TLR4: variants seen among roughly 807,000 people sequenced by gnomAD.
TLR4 encodes the protein toll like receptor 4.
TLR4 carries 17 observed loss-of-function variants against 27.4 expected under a neutral mutation model. That is an observed-to-expected ratio of 0.62 (90% CI 0.42 to 0.93). The LOEUF (loss-of-function observed/expected upper bound fraction) is 0.93. Ranked by LOEUF, TLR4 falls within the 40% of genes least tolerant of loss-of-function variation. The pLI, the probability that TLR4 is intolerant of heterozygous loss-of-function variation, is 0.00. For missense variants in TLR4, 926 were observed against 962.3 expected (o/e 0.96, Z 0.50); for synonymous variants, 363 against 365.7 (o/e 0.99, Z 0.08).
At chr9:117,706,646 C>T (rs1292865265) in intron 1 of TLR4, among the ~76,000 whole-genome samples, 3 of 152,180 alleles carry the variant, frequency 2.0e-5, no homozygotes, top group Non-Finnish European at 2.9e-5. Context: ...GTTGTCCTCT[C>T]CTTAGGACAT....
At position 117,713,797 on chromosome 9, in the gene TLR4, A is replaced by G; in HGVS notation, c.1669A>G (p.Met557Val). 1 of 1,613,988 alleles carries G rather than the reference A, an allele frequency of 6.2e-7. No homozygotes were observed. The change falls in exon 3 of 3, where the codon ATG becomes GTG. Residue 557 changes from methionine to valine, a missense_variant. Transcript: ENST00000355622. ...TCTTGATTACAGTCTCAATCACATA[A>G]TGACTTCCAAAAAACAGGAACTACA... is the stretch of plus-strand genomic sequence containing the variant. ...QVLDYSLNHI[M>V]TSKKQELQHF...
Position 117,713,341 on chromosome 9 carries a change from G to T in TLR4, c.1213G>T (p.Asp405Tyr). ...TGGGACAACCAGCCTAAAGTATTTA[G>T]ATCTGAGCTTCAATGGTGTTATTAC... ...DFGTTSLKYLDLSFNGVITMS... is the reference protein window; with the variant it reads ...DFGTTSLKYLYLSFNGVITMS... The change falls in exon 3 of 3, where the codon GAT (aspartate) becomes TAT (tyrosine). Residue 405 changes from aspartate (D) to tyrosine (Y), a missense_variant. Transcript: ENST00000355622. 6.2e-7 allele frequency: 1 copy of T among 1,614,052 alleles called. No homozygotes were observed. The highest frequency in any genetic ancestry group is 8.5e-7 in the Non-Finnish European group (1 of 1,180,008).
At position 117,716,207 on chromosome 9, in the gene TLR4, T is replaced by A. The variant is rs200029590; in HGVS notation, c.*1559T>A. On this transcript the variant is annotated 3_prime_UTR_variant, in exon 3 of 3. Transcript: ENST00000355622. Reference sequence around the variant, plus strand: ...ATGATCCAGCAATCTCACTTCTGTATATATACCCAAAATAATTGAAATCAG... The same window carrying A: ...ATGATCCAGCAATCTCACTTCTGTAAATATACCCAAAATAATTGAAATCAG... 6.6e-6 allele frequency: 1 copy of A among 152,322 alleles called. No homozygotes were observed. The highest frequency in any genetic ancestry group is 1.9e-4 in the East Asian group (1 of 5,186). The allele number at this position is 152,322 out of a possible 1,614,324, so 9.4% of individuals were successfully genotyped here. A position where few individuals can be genotyped will look rare whatever the true frequency, so the allele number is the denominator to read the frequency against.
chr9:117,706,087 A>G (rs1447204685), intron 1 of TLR4, among the ~76,000 whole-genome samples: 1 of 152,178 alleles, frequency 6.6e-6, no homozygotes, highest in Non-Finnish European at 1.5e-5. Context: ...CTTGTTTGGT[A>G]CTAAGTCTGG....
chr9:117,707,599 G>T (rs1829156551), intron 1 of TLR4, among the ~76,000 whole-genome samples: 1 of 152,200 alleles, frequency 6.6e-6, no homozygotes, highest in Non-Finnish European at 1.5e-5. Context: ...AATTAGATGG[G>T]AGCGTTAGAG....
rs1274583060 is a variant in TLR4, at chr9:117,713,237, T to G, written c.1109T>G (p.Val370Gly). 6.2e-7 allele frequency: 1 copy of G among 1,614,046 alleles called. No homozygotes were observed. The highest frequency in any genetic ancestry group is 1.1e-5 in the South Asian group (1 of 91,084). Residue 370 changes from valine (V) to glycine (G), a missense_variant, in exon 3 of 3, where the codon GTT becomes GGT. Val to Gly is a moderately radical substitution (Grantham distance 109). Coordinates refer to ENST00000355622, the MANE Select transcript of TLR4 (RefSeq NM_138554.5). ...AAAGGTGGGAATGCTTTTTCAGAAG[T>G]TGATCTACCAAGCCTTGAGTTTCTA... Reference protein sequence around the residue: ...SNKGGNAFSEVDLPSLEFLDL... With the variant: ...SNKGGNAFSEGDLPSLEFLDL...
rs1829368386 is a variant in TLR4, at chr9:117,717,420, T to C, written c.*2772T>C. The C allele has an allele frequency of 6.6e-6, 1 of 152,100 alleles. No individual in the cohort carries two copies. 9.4% of individuals were successfully genotyped at this position (152,100 alleles called of 1,614,324 possible). A position where few individuals can be genotyped will look rare whatever the true frequency, so the allele number is the denominator to read the frequency against. ...AGATTAACAATAACTAACAATAAAA[T>C]TGAATAGTTATAATAATATATTGTA... On this transcript the variant is annotated 3_prime_UTR_variant, in exon 3 of 3. Coordinates refer to ENST00000355622, the MANE Select transcript of TLR4 (RefSeq NM_138554.5).
intron 1 of TLR4, 129 bp from the exon 2 acceptor site, chr9:117,708,434 A>T (rs1010703217): frequency 2.5e-6 from 4 of 1,569,650 alleles, no homozygotes; most frequent in Non-Finnish European, 3.5e-6. Context: ...GGATGGACAG[A>T]TGGATGAAAG....
intron 2 of TLR4, among the ~76,000 whole-genome samples, chr9:117,711,661 C>T (rs1049682689): frequency 6.6e-6 from 1 of 152,056 alleles, no homozygotes; most frequent in Non-Finnish European, 1.5e-5. Flanking sequence ...TTCACTTCAC[C>T]TCCTTTTATT....
chr9:117,704,873 G>C (rs550646310), intron 1 of TLR4, among the ~76,000 whole-genome samples: 1 of 152,228 alleles, frequency 6.6e-6, no homozygotes, highest in South Asian at 2.1e-4. Flanking sequence ...ACTAGTTTTC[G>C]CATCTGTAAG....
Position 117,717,578 on chromosome 9 carries a change from A to T in TLR4, c.*2930A>T, listed in dbSNP as rs1238826845. On this transcript the variant is annotated 3_prime_UTR_variant, in exon 3 of 3. Coordinates refer to ENST00000355622, the MANE Select transcript of TLR4 (RefSeq NM_138554.5). ...GAAACTGTGGATAAGTGAGGAACTAACATACATACATGATTGTTTATCTAC... is the reference window on the plus strand; with the variant it reads ...GAAACTGTGGATAAGTGAGGAACTATCATACATACATGATTGTTTATCTAC... The T allele has an allele frequency of 6.6e-6, 1 of 152,178 alleles. No individual in the cohort carries two copies. Among genetic ancestry groups the T allele is most frequent in the African/African-American group, 2.4e-5 (1 of 41,454 alleles). The allele number at this position is 152,178 out of a possible 1,614,324, so 9.4% of individuals were successfully genotyped here. A position where few individuals can be genotyped will look rare whatever the true frequency, so the allele number is the denominator to read the frequency against.
chr9:117,708,628 C>G lies in TLR4; in HGVS notation c.159C>G (p.Pro53=). The part of the protein sequence containing the change: ...LNFYKIPDNL[P]FSTKNLDLSF... ...TCTACAAAATCCCCGACAACCTCCC[C>G]TTCTCAACCAAGAACCTGGACCTGA... is the stretch of plus-strand genomic sequence containing the variant. The change falls in exon 2 of 3, where the codon CCC becomes CCG. Residue 53 remains proline, a synonymous_variant. Transcript: ENST00000355622. The G allele has an allele frequency of 6.2e-7, 1 of 1,613,988 alleles. No homozygotes were observed.
chr9:117,724,697 A>G lies in TLR4; in HGVS notation c.*10049A>G, dbSNP rs1829458616. 5 of 152,130 alleles carry G rather than the reference A, an allele frequency of 3.3e-5. No homozygotes were observed. The highest frequency in any genetic ancestry group is 5.9e-5 in the Non-Finnish European group (4 of 68,028). 9.4% of individuals were successfully genotyped at this position (152,130 alleles called of 1,614,324 possible). A position where few individuals can be genotyped will look rare whatever the true frequency, so the allele number is the denominator to read the frequency against. ...CTCTCAGTTTTGTTGGCAGTTCAGT[A>G]CACGGAAATAAAGTTCTCACTTTCT... On this transcript the variant is annotated 3_prime_UTR_variant, in exon 3 of 3. Transcript: ENST00000355622.
In TLR4 at chr9:117,714,226, G is replaced by GT. The variant is rs758837745; in HGVS notation, c.2099dup (p.Pro701AlafsTer25). On this transcript the variant is annotated frameshift_variant, in exon 3 of 3. Coordinates refer to ENST00000355622, the MANE Select transcript of TLR4 (RefSeq NM_138554.5). LOFTEE classifies it high-confidence loss of function. Reference sequence around the variant, plus strand: ...GCTAGTAAAGAATTTAGAAGAAGGGGTGCCTCCATTTCAGCTCTGCCTTCA... The same window carrying GT: ...GCTAGTAAAGAATTTAGAAGAAGGGGTTGCCTCCATTTCAGCTCTGCCTTCA... 1.9e-6 allele frequency: 3 copies of GT among 1,605,748 alleles called. No homozygotes were observed. In the East Asian group the frequency reaches 6.7e-5, roughly 36 times the overall value.
Position 117,713,845 on chromosome 9 carries a change from T to C in TLR4, c.1717T>C (p.Phe573Leu). The change falls in exon 3 of 3, where the codon TTC (phenylalanine) becomes CTC (leucine). Residue 573 changes from phenylalanine (F) to leucine (L), a missense_variant. By Grantham distance (22) the Phe-to-Leu change is conservative. Transcript: ENST00000355622. Reference sequence around the variant, plus strand: ...ACAGCATTTTCCAAGTAGTCTAGCTTTCTTAAATCTTACTCAGAATGACTT... The same window carrying C: ...ACAGCATTTTCCAAGTAGTCTAGCTCTCTTAAATCTTACTCAGAATGACTT... ...ELQHFPSSLA[F>L]LNLTQNDFAC... is the part of the protein sequence containing the mutation. 1 of 1,614,036 alleles carries C rather than the reference T, an allele frequency of 6.2e-7. No homozygotes were observed. Among genetic ancestry groups the C allele is most frequent in the South Asian group, 1.1e-5 (1 of 91,076 alleles).
chr9:117,713,026 A>G lies in TLR4; in HGVS notation c.898A>G (p.Ile300Val), dbSNP rs776867595. ...LAYLDYYLDD[I>V]IDLFNCLTNV... ...ATACTTAGACTACTACCTCGATGAT[A>G]TTATTGACTTATTTAATTGTTTGAC... The change falls in exon 3 of 3, where the codon ATT (isoleucine) becomes GTT (valine). Residue 300 changes from isoleucine (I) to valine (V), a missense_variant. By Grantham distance (29) the Ile-to-Val change is conservative. Transcript: ENST00000355622. The G allele has an allele frequency of 6.2e-7, 1 of 1,614,042 alleles. No individual in the cohort carries two copies. Among genetic ancestry groups the G allele is most frequent in the Non-Finnish European group, 8.5e-7 (1 of 1,179,952 alleles).
intron 1 of TLR4, 76 bp downstream of exon 1, chr9:117,704,641 T>C: frequency 8.0e-7 from 1 of 1,245,938 alleles, no homozygotes; most frequent in Middle Eastern, 1.9e-4. Flanking sequence ...CCCTGGTTTG[T>C]TTATTTTTGC....
chr9:117,718,386 A>G lies in TLR4; in HGVS notation c.*3738A>G, dbSNP rs1276669772. On this transcript the variant is annotated 3_prime_UTR_variant, in exon 3 of 3. Transcript: ENST00000355622. ...TATGCATATATGTTATACATACCAAATGATTTATTTATAACCCTATCTTTC... is the reference window on the plus strand; with the variant it reads ...TATGCATATATGTTATACATACCAAGTGATTTATTTATAACCCTATCTTTC... 2 of 152,288 alleles carry G rather than the reference A, an allele frequency of 1.3e-5. No individual in the cohort carries two copies. Among genetic ancestry groups the G allele is most frequent in the South Asian group, 4.1e-4 (2 of 4,820 alleles). The allele number at this position is 152,288 out of a possible 1,614,324, so 9.4% of individuals were successfully genotyped here.
chr9:117,722,134 ATGT>A lies in TLR4; in HGVS notation c.*7491_*7493del, dbSNP rs894683524. 1.3e-5 allele frequency: 2 copies of A among 152,098 alleles called. No individual in the cohort carries two copies. Among genetic ancestry groups the A allele is most frequent in the Non-Finnish European group, 2.9e-5 (2 of 68,012 alleles). The allele number at this position is 152,098 out of a possible 1,614,324, so 9.4% of individuals were successfully genotyped here. ...CTCTGAGGCATCTGTTGTCAATGTG[ATGT>A]TGTTTTTTGTTTCCAGTCCAAAATA... On this transcript the variant is annotated 3_prime_UTR_variant, in exon 3 of 3. Transcript: ENST00000355622.
Sources: gnomAD v4.1 joint callset for allele counts (sites outside exome capture counted in the v4.1 genomes callset) on GRCh38, gnomAD v4.1.1 for gene constraint, MANE v1.5 for transcripts, NCBI Gene and HGNC (gene_info 2026-07-23, HGNC 2026-07-21) for gene names.